The following CDH13 variants were observed in gnomAD, a reference collection of about 807,000 sequenced individuals.
CDH13 encodes the protein cadherin 13.
Under a neutral mutation model 63.8 loss-of-function variants are expected in CDH13, and 24 were observed. The ratio of observed to expected loss-of-function variants is 0.38; its 90% CI spans 0.27 to 0.53. CDH13 has a LOEUF of 0.53. CDH13 is among the 20% of genes least tolerant of loss of function. The pLI, the probability that CDH13 is intolerant of heterozygous loss-of-function variation, is 0.85. For synonymous variants in CDH13, 503 were observed against 355.3 expected, an observed-to-expected ratio of 1.42 and a Z score of -4.67; for missense variants, 1,049 against 903.1, an observed-to-expected ratio of 1.16 and a Z score of -2.07.
chr16:83,393,976 C>T (rs1481335173), intron 6 of CDH13, among the ~76,000 whole-genome samples: 2 of 152,116 alleles, frequency 1.3e-5, no homozygotes, highest in Admixed American at 6.5e-5. Context: ...GGTCATTATC[C>T]TTAGCAAACT....
At chr16:83,034,980 A>G (rs1278067482) in intron 3 of CDH13, among the ~76,000 whole-genome samples, 2 of 152,174 alleles carry the variant, frequency 1.3e-5, no homozygotes, top group Non-Finnish European at 2.9e-5. Context: ...TCAGTTTGCC[A>G]GACTTCAGCA....
At chr16:82,663,079 G>A (rs1284392585) in intron 1 of CDH13, among the ~76,000 whole-genome samples, 1 of 152,174 alleles carries the variant, frequency 6.6e-6, no homozygotes, top group Admixed American at 6.5e-5. Flanking sequence ...CCCCTGCCAG[G>A]GCAAGAAAAT....
chr16:83,481,025 A>T (rs1303185295), intron 6 of CDH13, among the ~76,000 whole-genome samples: 2 of 152,160 alleles, frequency 1.3e-5, no homozygotes, highest in Non-Finnish European at 2.9e-5. Context: ...TCGGTCACAG[A>T]AAGCATGGTT....
chr16:83,186,478 C>T (rs1313811951), intron 4 of CDH13, among the ~76,000 whole-genome samples: 4 of 152,104 alleles, frequency 2.6e-5, no homozygotes, highest in Non-Finnish European at 4.4e-5. Context: ...ACAGCCTTAT[C>T]AGTAGCCTCT....
chr16:82,982,528 C>T (rs901764730), intron 2 of CDH13, among the ~76,000 whole-genome samples: 17 of 152,162 alleles, frequency 1.1e-4, no homozygotes, highest in Non-Finnish European at 2.2e-4. Context: ...CCTCCATGTT[C>T]AAAGCTGCAT....
chr16:83,670,977 G>A lies in CDH13; in HGVS notation c.1284+5G>A, dbSNP rs759665705. On this transcript the variant is annotated splice_donor_5th_base_variant and intron_variant, in intron 9 of 13. Transcript: ENST00000567109. The stretch of plus-strand genomic sequence containing the variant: ...GGGATGCTTTCTGTTGTCAAAGTAA[G>A]GGTGCTTCCAATTGCCTCTTTCTCC... 6.3e-7 allele frequency: 1 copy of A among 1,578,660 alleles called. No homozygotes were observed. Among genetic ancestry groups the A allele is most frequent in the South Asian group, 1.2e-5 (1 of 85,492 alleles).
chr16:83,489,826 G>A (rs2073969711), intron 7 of CDH13, among the ~76,000 whole-genome samples: 1 of 152,158 alleles, frequency 6.6e-6, no homozygotes, highest in Non-Finnish European at 1.5e-5. Flanking sequence ...GACTTTTGCA[G>A]CATTCATTTA....
At position 83,341,212 on chromosome 16, in the gene CDH13, G is replaced by A. The variant is rs116680007; in HGVS notation, c.637-3650G>A. Among the ~76,000 whole-genome samples, 524 of 152,324 alleles carry A rather than the reference G, an allele frequency of 3.4e-3. 2 individuals carry two copies. The highest frequency in any genetic ancestry group is 0.012 in the African/African-American group (494 of 41,570). ...TTCAAAGGAAACAAGCATTATTCCA[G>A]TCTTTTCAAACTAAGGTTTTGTGTG... On this transcript the variant is annotated intron_variant, in intron 5 of 13. Transcript: ENST00000567109.
chr16:83,062,575 G>A (rs1238741251), intron 3 of CDH13, among the ~76,000 whole-genome samples: 1 of 152,180 alleles, frequency 6.6e-6, no homozygotes, highest in African/African-American at 2.4e-5. Flanking sequence ...CTATGTAACA[G>A]GAAGCAAGGA....
At chr16:83,561,836 T>C (rs1450966033) in intron 7 of CDH13, among the ~76,000 whole-genome samples, 1 of 152,216 alleles carries the variant, frequency 6.6e-6, no homozygotes, top group Admixed American at 6.5e-5. Flanking sequence ...CACTGTTTTG[T>C]AGTTCCTTAA....
intron 2 of CDH13, among the ~76,000 whole-genome samples, chr16:83,010,159 A>AAAAAAAAAAAAAAAAAAAG: frequency 6.9e-6 from 1 of 145,822 alleles, no homozygotes; most frequent in African/African-American, 2.6e-5. Context: ...AAAAAAAAAA[A>AAAAAAAAAAAAAAAAAAAG]AAACAAGAAT....
chr16:83,290,188 G>A (rs778296773), intron 5 of CDH13, among the ~76,000 whole-genome samples: 1 of 152,048 alleles, frequency 6.6e-6, no homozygotes, highest in Non-Finnish European at 1.5e-5. Context: ...ATACCATTAC[G>A]GGAACTAACC....
intron 1 of CDH13, among the ~76,000 whole-genome samples, chr16:82,772,516 C>A (rs1030329059): frequency 4.6e-5 from 7 of 152,170 alleles, no homozygotes; most frequent in Non-Finnish European, 7.3e-5. Flanking sequence ...CAAGGTCTCT[C>A]AACCTGAGGT....
intron 2 of CDH13, among the ~76,000 whole-genome samples, chr16:82,889,611 G>T (rs887745274): frequency 6.6e-6 from 1 of 152,294 alleles, no homozygotes. Flanking sequence ...CAAGCATGCT[G>T]GTTGATCAAA....
intron 2 of CDH13, chr16:82,884,456 G>A: frequency 3.5e-6 from 1 of 287,374 alleles, no homozygotes; most frequent in Non-Finnish European, 7.0e-6. Flanking sequence ...CAGCAACCCA[G>A]TGCCTGTAAT....
chr16:83,589,113 G>A (rs1275691649), intron 7 of CDH13, among the ~76,000 whole-genome samples: 1 of 152,136 alleles, frequency 6.6e-6, no homozygotes, highest in Non-Finnish European at 1.5e-5. Context: ...GGCTCCAAGG[G>A]AGAATCCATT....
At chr16:83,245,771 C>G (rs1051852376) in intron 5 of CDH13, among the ~76,000 whole-genome samples, 1 of 152,116 alleles carries the variant, frequency 6.6e-6, no homozygotes, top group Non-Finnish European at 1.5e-5. Context: ...GAGGCAGGGT[C>G]TCACCCTGTC....
Position 83,500,041 on chromosome 16 carries a change from G to A in CDH13, c.960+13386G>A, listed in dbSNP as rs184329885. On this transcript the variant is annotated intron_variant, in intron 7 of 13. Transcript: ENST00000567109. The stretch of plus-strand genomic sequence containing the variant: ...TGGTCTTGAACTCATGACTTCAGGC[G>A]ATCCGCCCACCTCGGCCTCCCAAAG... 9.9e-4 allele frequency among the ~76,000 whole-genome samples: 151 copies of A among 151,948 alleles called. 2 individuals carry two copies. The highest frequency in any genetic ancestry group is 9.7e-3 in the Admixed American group (148 of 15,252).
chr16:82,675,143 G>C (rs1296533036), intron 1 of CDH13, among the ~76,000 whole-genome samples: 2 of 152,144 alleles, frequency 1.3e-5, no homozygotes, highest in Non-Finnish European at 2.9e-5. Context: ...TATTGGATAA[G>C]GGTGCCGTAT....
Sources: gnomAD v4.1 joint callset for allele counts (sites outside exome capture counted in the v4.1 genomes callset) on GRCh38, gnomAD v4.1.1 for gene constraint, MANE v1.5 for transcripts, NCBI Gene and HGNC (gene_info 2026-07-23, HGNC 2026-07-21) for gene names.